CUX1: variants seen among roughly 807,000 people sequenced by gnomAD.
CUX1 encodes protein CASP.
A neutral mutation model predicts 158.8 loss-of-function variants in CUX1; 31 were observed. That is an observed-to-expected ratio of 0.20 (90% confidence interval 0.15 to 0.26). CUX1 has a LOEUF of 0.26. Ranked by LOEUF, CUX1 falls within the 10% of genes least tolerant of loss-of-function variation. CUX1 has a pLI of 1.00. For synonymous variants in CUX1, 879 were observed against 862.1 expected (o/e 1.02, Z -0.34); for missense variants, 1,589 against 2,014.6 (o/e 0.79, Z 4.04).
chr7:101,945,262 A>G (rs1808233172), intron 2 of CUX1, among the ~76,000 whole-genome samples: 1 of 152,204 alleles, frequency 6.6e-6, no homozygotes, highest in Non-Finnish European at 1.5e-5. Flanking sequence ...CTTCAGCTAC[A>G]GGATACACTT....
At position 102,029,054 on chromosome 7, in the gene CUX1, G is replaced by T. The variant is rs1254983274; in HGVS notation, c.189+909G>T. Among the ~76,000 whole-genome samples, 3 of 148,092 alleles carry T rather than the reference G, an allele frequency of 2.0e-5. No homozygotes were observed. In the East Asian group the frequency reaches 6.0e-4, roughly 29 times the overall value. ...GTCACTCAGGCTACAGTCCAGTGGT[G>T]CAATCTAGTCTCACTGCAACCTCCG... On this transcript the variant is annotated intron_variant, in intron 3 of 23. Transcript: ENST00000292535.
intron 2 of CUX1, among the ~76,000 whole-genome samples, chr7:101,924,208 T>C (rs989414811): frequency 5.3e-5 from 8 of 151,792 alleles, no homozygotes; most frequent in African/African-American, 1.5e-4. Context: ...ATGATTCGTT[T>C]TTCACTCTCG....
intron 5 of CUX1, among the ~76,000 whole-genome samples, chr7:102,102,526 G>C (rs958414479): frequency 2.0e-5 from 3 of 151,120 alleles, no homozygotes; most frequent in Admixed American, 1.3e-4. Context: ...GCGCATGTCC[G>C]TGCAGCTCAG....
chr7:101,897,534 A>G, intron 1 of CUX1, among the ~76,000 whole-genome samples: 1 of 152,040 alleles, frequency 6.6e-6, no homozygotes, highest in East Asian at 1.9e-4. Context: ...AAAATAAAGA[A>G]AAGAAAAAAG....
In CUX1 at chr7:102,277,956, G is replaced by T. The variant is rs1554548105; in HGVS notation, c.1571G>T (p.Arg524Leu). The change falls in exon 18 of 23, where the codon CGC becomes CTC. Residue 524 changes from arginine to leucine, a missense_variant. Transcript: ENST00000292538. ...TTGCCCCTCCCCCCCCAGGAGAACC[G>T]CCTGGCCCAGCACACCCTCCAGGCC... is the stretch of plus-strand genomic sequence containing the variant. 1 of 787,386 alleles carries T rather than the reference G, an allele frequency of 1.3e-6. No individual in the cohort carries two copies. The highest frequency in any genetic ancestry group is 1.7e-6 in the Non-Finnish European group (1 of 585,904). The allele number at this position is 787,386 out of a possible 1,614,324, so 48.8% of individuals were successfully genotyped here.
At chr7:101,828,359 TATATGTATA>T (rs1256508737) in intron 1 of CUX1, among the ~76,000 whole-genome samples, 1 of 152,176 alleles carries the variant, frequency 6.6e-6, no homozygotes, top group Admixed American at 6.5e-5. Flanking sequence ...AAGAGTCAGC[TATATGTATA>T]ATTGTACCTG....
chr7:102,276,779 G>A lies in CUX1; in HGVS notation c.1564-1170G>A, dbSNP rs531016444. Among the ~76,000 whole-genome samples the A allele has an allele frequency of 2.0e-4, 30 of 152,238 alleles. 1 individual carries two copies. In the East Asian group the frequency reaches 3.5e-3, roughly 18 times the overall value. On this transcript the variant is annotated intron_variant, in intron 17 of 22. Coordinates refer to the CUX1 transcript ENST00000292538. ...CCATAGAGACAAAAAAGAGACTGCCGGTTACCAGGCAGTAGGGGAGGAGGG... is the reference window on the plus strand; with the variant it reads ...CCATAGAGACAAAAAAGAGACTGCCAGTTACCAGGCAGTAGGGGAGGAGGG...
chr7:102,280,041 G>A, exon 19 of CUX1: 1 of 1,605,704 alleles, frequency 6.2e-7, no homozygotes, highest in Non-Finnish European at 8.5e-7. Context: ...GTGCAGGGCA[G>A]CGGCAGTGAT....
upstream of CUX1, chr7:101,816,173 T>G (rs1791746145): frequency 6.0e-6 from 4 of 672,168 alleles, no homozygotes; most frequent in East Asian, 1.5e-4. Context: ...GGCCCCGGGC[T>G]GGCCCAGCCG....
Position 102,234,034 on chromosome 7 carries a change from C to T in CUX1, c.3434-18C>T. ...GCTCTCGGTGACAATACCTGTCTTG[C>T]TTCTGTTTTCTCTCTAGGCCAGCGC... On this transcript the variant is annotated intron_variant, in intron 21 of 23. Coordinates refer to ENST00000292535, the MANE Select transcript of CUX1 (RefSeq NM_181552.4). The T allele has an allele frequency of 6.9e-7, 1 of 1,454,686 alleles. No individual in the cohort carries two copies. Among genetic ancestry groups the T allele is most frequent in the Non-Finnish European group, 9.1e-7 (1 of 1,098,228 alleles). The allele number at this position is 1,454,686 out of a possible 1,614,324, so 90.1% of individuals were successfully genotyped here.
intron 23 of CUX1, among the ~76,000 whole-genome samples, chr7:102,239,971 A>C (rs1800013197): frequency 6.6e-6 from 1 of 151,888 alleles, no homozygotes; most frequent in South Asian, 2.1e-4. Flanking sequence ...TGTCTCAAAC[A>C]TCCTGACCTC....
chr7:101,901,565 G>A (rs1017337402), intron 1 of CUX1, among the ~76,000 whole-genome samples: 5 of 152,128 alleles, frequency 3.3e-5, no homozygotes, highest in African/African-American at 1.2e-4. Context: ...AAAGTGCGGG[G>A]GTTACAGGTG....
chr7:102,078,793 T>G (rs1211129023), intron 4 of CUX1, among the ~76,000 whole-genome samples: 1 of 152,008 alleles, frequency 6.6e-6, no homozygotes, highest in Non-Finnish European at 1.5e-5. Flanking sequence ...CTGGAAAGAG[T>G]GCATTTGTAG....
intron 9 of CUX1, 144 bp from the exon 10 acceptor site, chr7:102,170,302 T>G: frequency 3.2e-6 from 2 of 617,014 alleles, no homozygotes; most frequent in South Asian, 2.3e-5. Flanking sequence ...ACATTCTGTG[T>G]TTTTTTTCCT....
At chr7:102,219,398 C>T (rs1554526091) in intron 20 of CUX1, among the ~76,000 whole-genome samples, 1 of 152,132 alleles carries the variant, frequency 6.6e-6, no homozygotes, top group Non-Finnish European at 1.5e-5. Context: ...ACACCCCCTA[C>T]AGAATCTTTC....
intron 18 of CUX1, among the ~76,000 whole-genome samples, 179 bp downstream of exon 18, chr7:102,202,383 A>T (rs1795543043): frequency 1.3e-5 from 2 of 152,010 alleles, no homozygotes; most frequent in Admixed American, 1.3e-4. Context: ...CCCCGATCCC[A>T]TTTGCCGAGC....
At position 101,941,185 on chromosome 7, in the gene CUX1, A is replaced by G. The variant is rs558212654; in HGVS notation, c.141+24960A>G. ...GAGCCCTGATGGAGCCTCGGACCTG[A>G]CAGGCTGCCTGGGGAACTCACTGGG... is the stretch of plus-strand genomic sequence containing the variant. On this transcript the variant is annotated intron_variant, in intron 2 of 23. Transcript: ENST00000292535. Among the ~76,000 whole-genome samples, 157 of 152,272 alleles carry G rather than the reference A, an allele frequency of 1.0e-3. 2 individuals carry two copies. Among genetic ancestry groups the G allele is most frequent in the Non-Finnish European group, 1.8e-3 (120 of 68,022 alleles).
intron 14 of CUX1, among the ~76,000 whole-genome samples, chr7:102,195,892 T>C (rs1794754930): frequency 6.6e-6 from 1 of 152,138 alleles, no homozygotes; most frequent in Non-Finnish European, 1.5e-5. Flanking sequence ...TCGGAGGACG[T>C]CGGCCTTTCT....
rs1476967085 is a variant in CUX1 at position 101,869,182 on chromosome 7, G to A, written c.31-46933G>A. Among the ~76,000 whole-genome samples the A allele has an allele frequency of 6.6e-6, 1 of 151,998 alleles. No individual in the cohort carries two copies. Among genetic ancestry groups the A allele is most frequent in the Non-Finnish European group, 1.5e-5 (1 of 67,972 alleles). On this transcript the variant is annotated intron_variant, in intron 1 of 23. Coordinates refer to ENST00000292535, the MANE Select transcript of CUX1 (RefSeq NM_181552.4). The surrounding 1 kb of genome is among the most constrained non-coding windows in gnomAD (Gnocchi z 4.5). ...GAATGGCTGGTGGGGGCAGGTAGGG[G>A]GAGACCAGGATGAGCCCCATGTGCG... is the stretch of plus-strand genomic sequence containing the variant.
Sources: allele counts gnomAD v4.1 joint callset (sites outside exome capture counted in the v4.1 genomes callset), GRCh38; gene constraint gnomAD v4.1.1; non-coding constraint Gnocchi (gnomAD v3.1); transcripts MANE v1.5; gene names NCBI Gene and HGNC (gene_info 2026-07-23, HGNC 2026-07-21).